The following KAT6B variants were observed in gnomAD, a reference collection of about 807,000 sequenced individuals.
KAT6B encodes histone acetyltransferase KAT6B.
In KAT6B, 10 loss-of-function variants were observed where a neutral mutation model predicts 187.5. That is an observed-to-expected ratio of 0.05 (90% CI 0.03 to 0.09). The LOEUF is 0.09. Ranked by LOEUF, KAT6B falls within the 10% of genes least tolerant of loss-of-function variation. KAT6B has a pLI of 1.00. For synonymous variants in KAT6B, 861 were observed against 926.8 expected (o/e 0.93, Z 1.29); for missense variants, 1,952 against 2,558.9 (o/e 0.76, Z 5.12).
intron 3 of KAT6B, among the ~76,000 whole-genome samples, chr10:74,951,042 C>T (rs925289360): frequency 7.3e-5 from 11 of 151,296 alleles, no homozygotes; most frequent in South Asian, 4.2e-4. Flanking sequence ...AAGACTAAAC[C>T]GATACATAGT....
intron 3 of KAT6B, among the ~76,000 whole-genome samples, chr10:74,906,225 C>T (rs1589593259): frequency 6.6e-6 from 1 of 152,086 alleles, no homozygotes; most frequent in East Asian, 1.9e-4. Flanking sequence ...CATGGTAAAA[C>T]CCCGTCTCCA....
chr10:75,016,293 T>C (rs35160881), intron 13 of KAT6B, among the ~76,000 whole-genome samples: 2,029 of 152,302 alleles, frequency 0.013, 21 homozygotes, highest in Non-Finnish European at 0.019. Flanking sequence ...AGTTAAGCCT[T>C]AACAGAGGTG....
At chr10:74,870,001 T>C (rs1843799646) in intron 3 of KAT6B, among the ~76,000 whole-genome samples, 1 of 152,122 alleles carries the variant, frequency 6.6e-6, no homozygotes, top group African/African-American at 2.4e-5. Context: ...GAGACCTGGC[T>C]GGGTGCAGTG....
intron 3 of KAT6B, among the ~76,000 whole-genome samples, chr10:74,910,159 G>A (rs567518126): frequency 9.2e-5 from 14 of 151,784 alleles, no homozygotes; most frequent in African/African-American, 3.1e-4. Context: ...TTAGCCAGGC[G>A]TGGTGGCGCA....
chr10:74,912,587 G>A (rs931919526), intron 3 of KAT6B, among the ~76,000 whole-genome samples: 5 of 152,062 alleles, frequency 3.3e-5, no homozygotes, highest in African/African-American at 1.2e-4. Flanking sequence ...TATTATGTGA[G>A]CATTTTGCTT....
At chr10:74,880,964 T>C (rs572771399) in intron 3 of KAT6B, among the ~76,000 whole-genome samples, 165 of 147,066 alleles carry the variant, frequency 1.1e-3, no homozygotes, top group Non-Finnish European at 2.0e-3. Flanking sequence ...CACTCTGTCT[T>C]CCATGCTGGA....
chr10:74,944,423 C>G (rs893066818), intron 3 of KAT6B, among the ~76,000 whole-genome samples: 2 of 152,096 alleles, frequency 1.3e-5, no homozygotes, highest in Non-Finnish European at 2.9e-5. Flanking sequence ...TTGCAGTGAC[C>G]ATTGTAATGG....
chr10:74,918,089 A>T (rs1847835639), intron 3 of KAT6B, among the ~76,000 whole-genome samples: 2 of 152,230 alleles, frequency 1.3e-5, no homozygotes, highest in African/African-American at 4.8e-5. Flanking sequence ...ACTGCACAAC[A>T]TTAAGATTGT....
chr10:75,009,732 G>A (rs1445453320), intron 13 of KAT6B, among the ~76,000 whole-genome samples: 3 of 152,152 alleles, frequency 2.0e-5, no homozygotes, highest in East Asian at 1.9e-4. Flanking sequence ...CTGGCCGGGC[G>A]CAGTGGCTCA....
At chr10:74,912,308 G>A (rs1847274225) in intron 3 of KAT6B, among the ~76,000 whole-genome samples, 1 of 151,984 alleles carries the variant, frequency 6.6e-6, no homozygotes, top group Non-Finnish European at 1.5e-5. Flanking sequence ...ATGTATGTAT[G>A]TATGTATGTA....
chr10:74,968,463 A>T (rs1841630686), intron 4 of KAT6B, among the ~76,000 whole-genome samples: 2 of 152,168 alleles, frequency 1.3e-5, no homozygotes, highest in South Asian at 4.1e-4. Context: ...TACTTCAAAA[A>T]GCCAAATCTC....
intron 3 of KAT6B, among the ~76,000 whole-genome samples, chr10:74,942,318 GTTGAT>G (rs775487914): frequency 6.6e-6 from 1 of 151,956 alleles, no homozygotes; most frequent in Non-Finnish European, 1.5e-5. Flanking sequence ...CAGAAATACA[GTTGAT>G]TTAATATTGT....
intron 13 of KAT6B, among the ~76,000 whole-genome samples, chr10:75,008,034 C>T (rs952420530): frequency 6.6e-6 from 1 of 152,134 alleles, no homozygotes; most frequent in Non-Finnish European, 1.5e-5. Context: ...GAGTCTAGTT[C>T]ATTAGAGAAC....
chr10:74,865,721 G>C (rs1396279930), intron 3 of KAT6B, among the ~76,000 whole-genome samples: 1 of 152,038 alleles, frequency 6.6e-6, no homozygotes, highest in African/African-American at 2.4e-5. Context: ...TCACTGTGTT[G>C]CCCAGGCTGG....
At chr10:74,908,060 A>G (rs1430539458) in intron 3 of KAT6B, among the ~76,000 whole-genome samples, 1 of 152,188 alleles carries the variant, frequency 6.6e-6, no homozygotes, top group Admixed American at 6.5e-5. Context: ...GAGTTAATTC[A>G]TGAATTAATG....
intron 13 of KAT6B, among the ~76,000 whole-genome samples, chr10:75,002,409 G>A (rs1459160558): frequency 6.6e-6 from 1 of 151,364 alleles, no homozygotes; most frequent in Non-Finnish European, 1.5e-5. Flanking sequence ...ACTAGGCTAA[G>A]CAAGTGCAGA....
chr10:74,939,021 G>A (rs550736125), intron 3 of KAT6B, among the ~76,000 whole-genome samples: 5 of 151,724 alleles, frequency 3.3e-5, no homozygotes, highest in Admixed American at 6.6e-5. Context: ...ACAGGTGTGA[G>A]CTGCCGTGCC....
Position 75,020,696 on chromosome 10 carries a change from A to C in KAT6B, c.2744A>C (p.Tyr915Ser). Residue 915 changes from tyrosine to serine, a missense_variant, in exon 14 of 18, where the codon TAC (tyrosine) becomes TCC (serine). By Grantham distance (144) the Tyr-to-Ser change is moderately radical (BLOSUM62 -2). Coordinates refer to ENST00000287239, the MANE Select transcript of KAT6B (RefSeq NM_012330.4). ...YWKSVILEYL[Y>S]HHHERHISIK... is the part of the protein sequence containing the mutation. Reference sequence around the variant, plus strand: ...AAGAGCGTCATCTTGGAGTATCTCTACCACCACCATGAGAGGCACATCAGC... The same window carrying C: ...AAGAGCGTCATCTTGGAGTATCTCTCCCACCACCATGAGAGGCACATCAGC... The C allele has an allele frequency of 1.2e-6, 2 of 1,613,470 alleles. No homozygotes were observed. The highest frequency in any genetic ancestry group is 1.7e-6 in the Non-Finnish European group (2 of 1,179,760).
chr10:74,940,278 C>CTT (rs988686640), intron 3 of KAT6B, among the ~76,000 whole-genome samples: 3,318 of 142,104 alleles, frequency 0.023, 124 homozygotes, highest in African/African-American at 0.08. Flanking sequence ...TATTTTTCCC[C>CTT]TTTTTTTTTT....
Sources: gnomAD v4.1 joint callset for allele counts (sites outside exome capture counted in the v4.1 genomes callset) on GRCh38, gnomAD v4.1.1 for gene constraint, MANE v1.5 for transcripts, NCBI Gene and HGNC (gene_info 2026-07-23, HGNC 2026-07-21) for gene names.